Variants in RBFOX1 observed in about 807,000 individuals in gnomAD.
The protein encoded by RBFOX1 is RNA binding fox-1 homolog 1, also known as RNA binding protein fox-1 homolog 1.
Under a neutral mutation model 57.7 loss-of-function variants are expected in RBFOX1, and 8 were observed. The ratio of observed to expected loss-of-function variants is 0.14; its 90% CI spans 0.08 to 0.25. RBFOX1 has a LOEUF of 0.25. Ranked by LOEUF, RBFOX1 falls within the 10% of genes least tolerant of loss-of-function variation. The probability of loss-of-function intolerance (pLI) is 1.00; values close to 1 mark genes in which losing one functional copy is unlikely to be tolerated. For missense variants in RBFOX1, 611 were observed against 548.5 expected (o/e 1.11, Z -1.14); for synonymous variants, 326 against 222.4 (o/e 1.47, Z -4.15).
Position 6,769,633 on chromosome 16 carries a change from G to C in RBFOX1, c.-16+114983G>C, listed in dbSNP as rs72766723. On this transcript the variant is annotated intron_variant, in intron 3 of 15. Transcript: ENST00000550418. ...TCTATGGCATCTCCAAATGATGACT[G>C]TTGGCTCTAATGTATAATACGAGTG... Among the ~76,000 whole-genome samples the C allele has an allele frequency of 3.6e-3, 543 of 152,298 alleles. 4 individuals carry two copies. The highest frequency in any genetic ancestry group is 0.01 in the Middle Eastern group (3 of 294).
chr16:7,165,162 T>C (rs1213085074), intron 4 of RBFOX1, among the ~76,000 whole-genome samples: 1 of 152,064 alleles, frequency 6.6e-6, no homozygotes, highest in Non-Finnish European at 1.5e-5. Context: ...GTGTTGAATA[T>C]CATGTCAAAA....
At chr16:6,832,308 T>C (rs887332512) in intron 3 of RBFOX1, among the ~76,000 whole-genome samples, 1 of 152,078 alleles carries the variant, frequency 6.6e-6, no homozygotes, top group Non-Finnish European at 1.5e-5. Context: ...TACCAGAGAG[T>C]TGGAGACAGT....
chr16:6,337,393 G>A (rs373107760), intron 2 of RBFOX1, among the ~76,000 whole-genome samples: 1 of 152,208 alleles, frequency 6.6e-6, no homozygotes, highest in Non-Finnish European at 1.5e-5. Flanking sequence ...AAAAGCCAAA[G>A]TTGTTCCAGG....
chr16:6,349,265 C>T (rs1464796639), intron 2 of RBFOX1, among the ~76,000 whole-genome samples: 3 of 152,162 alleles, frequency 2.0e-5, no homozygotes, highest in Non-Finnish European at 2.9e-5. Context: ...CCTTACCTAG[C>T]CGACGACTTG....
At chr16:6,830,262 A>G (rs2092610122) in intron 3 of RBFOX1, among the ~76,000 whole-genome samples, 3 of 152,212 alleles carry the variant, frequency 2.0e-5, no homozygotes, top group Admixed American at 6.5e-5. Flanking sequence ...ATCTAAGAAA[A>G]GATTGTGCAT....
At chr16:5,496,015 ACT>A (rs1462745111) in intron 2 of RBFOX1, among the ~76,000 whole-genome samples, 1 of 152,120 alleles carries the variant, frequency 6.6e-6, no homozygotes, top group Non-Finnish European at 1.5e-5. Flanking sequence ...AATCCCAGCT[ACT>A]CGGGAGGCTG....
intron 3 of RBFOX1, among the ~76,000 whole-genome samples, chr16:6,808,196 A>G (rs769343479): frequency 6.8e-6 from 1 of 148,110 alleles, no homozygotes; most frequent in African/African-American, 2.6e-5. Flanking sequence ...ATATATATAT[A>G]TATAGTTCTA....
intron 3 of RBFOX1, among the ~76,000 whole-genome samples, chr16:5,852,754 C>A (rs1426538367): frequency 6.6e-6 from 1 of 152,058 alleles, no homozygotes; most frequent in African/African-American, 2.4e-5. Context: ...CACTTGAGCC[C>A]AGGAGTTTGA....
At position 5,717,887 on chromosome 16, in the gene RBFOX1, G is replaced by A. The variant is rs148134018; in HGVS notation, c.318+118926G>A. Among the ~76,000 whole-genome samples, 32 of 152,296 alleles carry A rather than the reference G, an allele frequency of 2.1e-4. No homozygotes were observed. In the East Asian group the frequency reaches 6.0e-3, roughly 28 times the overall value. On this transcript the variant is annotated intron_variant, in intron 3 of 19. Transcript: ENST00000641259. ...GTTTACAGATGAGAAATTGCAGGTC[G>A]AAGGTACTGAGCATCTTTATTTGAG... is the stretch of plus-strand genomic sequence containing the variant.
At chr16:6,735,127 C>A (rs970171549) in intron 3 of RBFOX1, among the ~76,000 whole-genome samples, 1 of 152,118 alleles carries the variant, frequency 6.6e-6, no homozygotes, top group Non-Finnish European at 1.5e-5. Flanking sequence ...CCAGCCTGGG[C>A]AGCAGAGTGA....
intron 4 of RBFOX1, among the ~76,000 whole-genome samples, chr16:7,078,687 T>C (rs1248704420): frequency 7.4e-6 from 1 of 134,374 alleles, no homozygotes; most frequent in Non-Finnish European, 1.6e-5. Flanking sequence ...ATTTATTTTA[T>C]TTTATTTTTT....
At chr16:6,761,506 T>TTTTTTTTTG (rs2076593612) in intron 3 of RBFOX1, among the ~76,000 whole-genome samples, 1 of 111,978 alleles carries the variant, frequency 8.9e-6, no homozygotes, top group Non-Finnish European at 1.9e-5. Flanking sequence ...TCTCCTTTTT[T>TTTTTTTTTG]TTTTTTTTTT....
chr16:7,433,136 C>A (rs1264958563), intron 4 of RBFOX1, among the ~76,000 whole-genome samples: 1 of 152,176 alleles, frequency 6.6e-6, no homozygotes, highest in Non-Finnish European at 1.5e-5. Context: ...CAACCAAGTA[C>A]TCAAACTTGC....
chr16:6,727,302 T>A (rs1478262969), intron 3 of RBFOX1, among the ~76,000 whole-genome samples: 2 of 152,108 alleles, frequency 1.3e-5, no homozygotes, highest in African/African-American at 4.8e-5. Flanking sequence ...TGCCATTTCT[T>A]TCAGTAGAAA....
At chr16:6,528,481 C>G (rs1228064963) in intron 2 of RBFOX1, among the ~76,000 whole-genome samples, 1 of 152,204 alleles carries the variant, frequency 6.6e-6, no homozygotes, top group African/African-American at 2.4e-5. Flanking sequence ...AGCATCATCT[C>G]CAAAGGCAAC....
intron 4 of RBFOX1, among the ~76,000 whole-genome samples, chr16:7,411,857 C>G (rs1370122530): frequency 7.1e-6 from 1 of 140,260 alleles, no homozygotes; most frequent in African/African-American, 2.7e-5. Flanking sequence ...GAGCCAAGAT[C>G]ATGCCATTGC....
At chr16:7,138,754 C>T (rs1298167870) in intron 4 of RBFOX1, among the ~76,000 whole-genome samples, 1 of 152,158 alleles carries the variant, frequency 6.6e-6, no homozygotes, top group Admixed American at 6.5e-5. Context: ...TTGAATATTT[C>T]ACTAAAACAA....
intron 4 of RBFOX1, among the ~76,000 whole-genome samples, chr16:7,382,143 T>C (rs2097791060): frequency 6.6e-6 from 1 of 152,190 alleles, no homozygotes; most frequent in Admixed American, 6.5e-5. Flanking sequence ...ACTAATTACC[T>C]CTTTTTTATT....
At chr16:7,015,152 C>G (rs541869500) in intron 3 of RBFOX1, among the ~76,000 whole-genome samples, 2 of 152,146 alleles carry the variant, frequency 1.3e-5, no homozygotes, top group Admixed American at 6.5e-5. Flanking sequence ...TTCCTTTCTT[C>G]TTAGTCACTC....
Sources: gnomAD v4.1 joint callset for allele counts (sites outside exome capture counted in the v4.1 genomes callset) on GRCh38, gnomAD v4.1.1 for gene constraint, MANE v1.5 for transcripts, NCBI Gene and HGNC (gene_info 2026-07-23, HGNC 2026-07-21) for gene names.